The following USP7 variants were observed in gnomAD, a reference collection of about 807,000 sequenced individuals.
USP7 encodes the protein ubiquitin specific peptidase 7.
A neutral mutation model predicts 162.9 loss-of-function variants in USP7; 9 were observed. The ratio of observed to expected loss-of-function variants is 0.06; its 90% CI spans 0.03 to 0.10. The LOEUF is 0.10. USP7 is among the 10% of genes least tolerant of loss of function. The pLI, the probability that USP7 is intolerant of heterozygous loss-of-function variation, is 1.00. For missense variants in USP7, 715 were observed against 1,373.7 expected, an observed-to-expected ratio of 0.52 and a Z score of 7.58; for synonymous variants, 562 against 475.9, an observed-to-expected ratio of 1.18 and a Z score of -2.35.
rs184626375 is a variant in USP7, at chr16:8,953,070, C to T, written c.79+10137G>A. 8.7e-4 allele frequency among the ~76,000 whole-genome samples: 132 copies of T among 152,212 alleles called. 1 individual carries two copies. The Middle Eastern group carries it at 0.017, about 20-fold the overall frequency. On this transcript the variant is annotated intron_variant, in intron 1 of 30. Coordinates refer to ENST00000344836, the MANE Select transcript of USP7 (RefSeq NM_003470.3). ...CAGGCTGGTCTTGAACCCCTGACCT[C>T]GTAATCTGTCGCCTTGGCCTCCCGA...
At chr16:8,918,259 G>A (rs1029635372) in intron 6 of USP7, among the ~76,000 whole-genome samples, 4 of 152,138 alleles carry the variant, frequency 2.6e-5, no homozygotes, top group African/African-American at 9.7e-5. Flanking sequence ...CCAGCTCCCT[G>A]CCCACCCCAC....
chr16:8,942,514 T>A (rs1596406144), intron 1 of USP7, among the ~76,000 whole-genome samples: 1 of 152,326 alleles, frequency 6.6e-6, no homozygotes, highest in South Asian at 2.1e-4. Flanking sequence ...TAAGTAACTC[T>A]GAATCCCTCT....
chr16:8,961,441 G>C (rs1338216548), intron 1 of USP7, among the ~76,000 whole-genome samples: 1 of 133,836 alleles, frequency 7.5e-6, no homozygotes, highest in Admixed American at 8.5e-5. Flanking sequence ...GTAGTGACCC[G>C]AGATCGCGCC....
In USP7 at chr16:8,910,834, A is replaced by G. The variant is rs533875735; in HGVS notation, c.1079-7T>C. The G allele has an allele frequency of 5.0e-6, 8 of 1,605,038 alleles. No individual in the cohort carries two copies. The highest frequency in any genetic ancestry group is 1.7e-4 in the Middle Eastern group (1 of 6,050). ...TCCACAAATGATTCAAATACTTTAA[A>G]GAGAGAGAGAGAAAAGTCAAGTGCT... On this transcript the variant is annotated splice_polypyrimidine_tract_variant and splice_region_variant and intron_variant, in intron 10 of 30. Transcript: ENST00000344836.
At chr16:8,923,073 A>C in intron 3 of USP7, 142 bp downstream of exon 3, 1 of 643,770 alleles carries the variant, frequency 1.6e-6, no homozygotes, top group East Asian at 2.7e-5. Flanking sequence ...TGGATATTAT[A>C]CATATACCAG....
intron 2 of USP7, among the ~76,000 whole-genome samples, chr16:8,928,312 C>G (rs1228161405): frequency 6.6e-6 from 1 of 152,152 alleles, no homozygotes; most frequent in Admixed American, 6.5e-5. Flanking sequence ...GAAATGGACA[C>G]TCAACACTCA....
intron 26 of USP7, among the ~76,000 whole-genome samples, chr16:8,896,367 A>C (rs2061681684): frequency 6.6e-6 from 1 of 151,900 alleles, no homozygotes; most frequent in South Asian, 2.1e-4. Context: ...TTCCTCGCTT[A>C]CTCTTATTAG....
chr16:8,902,995 G>A (rs538119756), intron 16 of USP7, among the ~76,000 whole-genome samples: 3 of 152,222 alleles, frequency 2.0e-5, no homozygotes, highest in Non-Finnish European at 2.9e-5. Flanking sequence ...AAATAAAGAG[G>A]GGGTAGGGGT....
At chr16:8,941,611 G>A (rs1411630780) in intron 1 of USP7, among the ~76,000 whole-genome samples, 8 of 152,280 alleles carry the variant, frequency 5.3e-5, no homozygotes, top group South Asian at 4.1e-4. Context: ...CTGCCAATTC[G>A]CTTAGTATCT....
At chr16:8,904,588 T>A (rs1235305998) in intron 14 of USP7, 23 bp from the exon 15 acceptor site, 1 of 1,612,408 alleles carries the variant, frequency 6.2e-7, no homozygotes, top group Non-Finnish European at 8.5e-7. Flanking sequence ...GGCATCCTCT[T>A]TGACCCCTGC....
At chr16:8,902,630 C>A in intron 16 of USP7, 148 bp from the exon 17 acceptor site, 1 of 713,818 alleles carries the variant, frequency 1.4e-6, no homozygotes, top group Non-Finnish European at 2.1e-6. Context: ...TGGCTCTCGC[C>A]TGTAATCCCA....
intron 1 of USP7, among the ~76,000 whole-genome samples, chr16:8,941,124 C>A (rs1042633411): frequency 2.0e-5 from 3 of 149,122 alleles, no homozygotes; most frequent in African/African-American, 7.4e-5. Flanking sequence ...TCACATGGGG[C>A]CCATGCCCCA....
At chr16:8,899,488 G>C in intron 22 of USP7, 116 bp downstream of exon 22, 4 of 1,315,940 alleles carry the variant, frequency 3.0e-6, no homozygotes, top group East Asian at 2.4e-5. Flanking sequence ...AGATTTCCTC[G>C]GGCATAGCCC....
At chr16:8,955,493 G>A (rs1899750254) in intron 1 of USP7, among the ~76,000 whole-genome samples, 1 of 152,096 alleles carries the variant, frequency 6.6e-6, no homozygotes, top group South Asian at 2.1e-4. Flanking sequence ...GAGGCCGAGT[G>A]AGGCAGCTCA....
rs1414165616 is a variant in USP7 at position 8,893,886 on chromosome 16, G to C, written c.*112C>G. On this transcript the variant is annotated 3_prime_UTR_variant, in exon 31 of 31. Transcript: ENST00000344836. ...CCTCAATAAAATAAAATTAACACCA[G>C]CAGCGAATCCTCTTGCTGAAGACTT... is the stretch of plus-strand genomic sequence containing the variant. The C allele has an allele frequency of 4.5e-6, 4 of 897,490 alleles. No individual in the cohort carries two copies. In the African/African-American group the frequency reaches 6.6e-5, roughly 15 times the overall value. The allele number at this position is 897,490 out of a possible 1,614,324, so 55.6% of individuals were successfully genotyped here.
chr16:8,913,390 G>C (rs1356277760), intron 10 of USP7, among the ~76,000 whole-genome samples: 1 of 151,980 alleles, frequency 6.6e-6, no homozygotes, highest in Non-Finnish European at 1.5e-5. Flanking sequence ...CAGGAGAGAA[G>C]AGAAGTGAAG....
At chr16:8,925,995 C>G (rs1897966857) in intron 2 of USP7, among the ~76,000 whole-genome samples, 1 of 149,888 alleles carries the variant, frequency 6.7e-6, no homozygotes, top group East Asian at 2.0e-4. Flanking sequence ...TCTACCAAAA[C>G]TACAAAAAAT....
At chr16:8,904,983 A>T (rs78384191) in intron 14 of USP7, among the ~76,000 whole-genome samples, 306 of 152,264 alleles carry the variant, frequency 2.0e-3, no homozygotes, top group African/African-American at 7.0e-3. Flanking sequence ...AAAATAAAAT[A>T]AAATAATCTA....
intron 8 of USP7, 106 bp from the exon 9 acceptor site, chr16:8,915,631 T>C: frequency 1.0e-6 from 1 of 998,044 alleles, no homozygotes; most frequent in Non-Finnish European, 1.5e-6. Context: ...AGTTGTAGAC[T>C]ATAAAAATAT....
Sources: gnomAD v4.1 joint callset for allele counts (sites outside exome capture counted in the v4.1 genomes callset) on GRCh38, gnomAD v4.1.1 for gene constraint, MANE v1.5 for transcripts, NCBI Gene and HGNC (gene_info 2026-07-23, HGNC 2026-07-21) for gene names.